ASRGL1: variants seen among roughly 807,000 people sequenced by gnomAD.
ASRGL1 encodes the protein isoaspartyl peptidase/L-asparaginase.
ASRGL1 carries 16 observed loss-of-function variants against 22.4 expected under a neutral mutation model. That is an observed-to-expected ratio of 0.71 (90% CI 0.48 to 1.08). ASRGL1 has a LOEUF of 1.08. Ranked by LOEUF, ASRGL1 falls within the 50% of genes least tolerant of loss-of-function variation. The pLI, the probability that ASRGL1 is intolerant of heterozygous loss-of-function variation, is 0.00. For missense variants in ASRGL1, 412 were observed against 410.1 expected (o/e 1.00, Z -0.04); for synonymous variants, 165 against 159.3 (o/e 1.04, Z -0.27).
chr11:62,377,437 A>C (rs1217956674), intron 4 of ASRGL1, among the ~76,000 whole-genome samples: 1 of 152,156 alleles, frequency 6.6e-6, no homozygotes, highest in Non-Finnish European at 1.5e-5. Flanking sequence ...CACTGTAAAG[A>C]CTGCAACCAA....
intron 2 of ASRGL1, among the ~76,000 whole-genome samples, chr11:62,339,927 C>T (rs935219913): frequency 5.9e-5 from 9 of 152,098 alleles, no homozygotes; most frequent in Non-Finnish European, 1.3e-4. Flanking sequence ...CTTGTTCTGT[C>T]CCCTTTACGC....
intron 4 of ASRGL1, among the ~76,000 whole-genome samples, chr11:62,358,667 C>G (rs780773719): frequency 5.3e-5 from 8 of 152,168 alleles, no homozygotes; most frequent in Non-Finnish European, 7.3e-5. Flanking sequence ...CACATAGGAC[C>G]CCTTTGTCAC....
chr11:62,362,813 T>TACACACACACACACACACACACACACAC (rs57501048), intron 4 of ASRGL1, among the ~76,000 whole-genome samples: 2 of 83,876 alleles, frequency 2.4e-5, no homozygotes, highest in Non-Finnish European at 4.4e-5. Flanking sequence ...TTATCTGACA[T>TACACACACACACACACACACACACACAC]ACACACACAC....
chr11:62,366,351 GA>G (rs1442763665), intron 4 of ASRGL1, among the ~76,000 whole-genome samples: 1 of 146,186 alleles, frequency 6.8e-6, no homozygotes, highest in Non-Finnish European at 1.5e-5. Context: ...ACAGTAACAG[GA>G]TAGAACATAC....
At chr11:62,372,451 C>T (rs1946799296) in intron 4 of ASRGL1, 1 of 1,537,764 alleles carries the variant, frequency 6.5e-7, no homozygotes, top group Non-Finnish European at 9.0e-7. Context: ...CTTTGGGTGC[C>T]CTGAATATGG....
chr11:62,349,069 A>G lies in ASRGL1; in HGVS notation c.191-7256A>G, dbSNP rs531632209. Reference sequence around the variant, plus strand: ...CTGCAACCTCCACCTCCTAGGTTCAAGTGATTCTCCTGCCTCAGCCTCCTG... The same window carrying G: ...CTGCAACCTCCACCTCCTAGGTTCAGGTGATTCTCCTGCCTCAGCCTCCTG... On this transcript the variant is annotated intron_variant, in intron 2 of 6. Coordinates refer to ENST00000415229, the MANE Select transcript of ASRGL1 (RefSeq NM_001083926.2). Among the ~76,000 whole-genome samples the G allele has an allele frequency of 2.0e-4, 30 of 152,138 alleles. 1 individual carries two copies. The highest frequency in any genetic ancestry group is 1.8e-3 in the Admixed American group (28 of 15,298).
At chr11:62,395,963 A>G (rs1947428897), downstream of ASRGL1, among the ~76,000 whole-genome samples, 1 of 151,174 alleles carries the variant, frequency 6.6e-6, no homozygotes, top group Non-Finnish European at 1.5e-5. Context: ...TAGTAGAGAC[A>G]GGGTTTCATC....
chr11:62,339,780 G>A (rs1945820175), intron 2 of ASRGL1, among the ~76,000 whole-genome samples: 1 of 152,138 alleles, frequency 6.6e-6, no homozygotes, highest in Non-Finnish European at 1.5e-5. Context: ...TAACTTGGTG[G>A]AAGACATTCA....
chr11:62,351,518 C>T lies in ASRGL1; in HGVS notation c.191-4807C>T, dbSNP rs561189253. Among the ~76,000 whole-genome samples the T allele has an allele frequency of 2.2e-3, 337 of 152,096 alleles. 1 individual carries two copies. Among genetic ancestry groups the T allele is most frequent in the Non-Finnish European group, 2.4e-3 (162 of 67,978 alleles). Reference sequence around the variant, plus strand: ...TACAAAAATTAGCTGGGCGTGGTGGCGGGCGCCTGTAATCCCAGCTGCTCA... The same window carrying T: ...TACAAAAATTAGCTGGGCGTGGTGGTGGGCGCCTGTAATCCCAGCTGCTCA... On this transcript the variant is annotated intron_variant, in intron 2 of 6. Coordinates refer to ENST00000415229, the MANE Select transcript of ASRGL1 (RefSeq NM_001083926.2).
chr11:62,398,682 G>A, the ASRGL1 span, among the ~76,000 whole-genome samples: 34 of 152,238 alleles, frequency 2.2e-4, no homozygotes, highest in East Asian at 5.4e-3. Flanking sequence ...CGCTAGCGGC[G>A]GCGGCTCATT....
intron 2 of ASRGL1, among the ~76,000 whole-genome samples, chr11:62,341,830 C>G (rs1565151074): frequency 6.6e-6 from 1 of 152,154 alleles, no homozygotes; most frequent in Non-Finnish European, 1.5e-5. Context: ...CCTTTGAGTC[C>G]ACGCCTCCAT....
chr11:62,377,279 T>C (rs1487745586), intron 4 of ASRGL1, among the ~76,000 whole-genome samples: 1 of 152,206 alleles, frequency 6.6e-6, no homozygotes, highest in East Asian at 1.9e-4. Flanking sequence ...AAATTTCTGT[T>C]TCTTACAGTT....
At chr11:62,359,546 CTT>C (rs1261909435) in intron 4 of ASRGL1, among the ~76,000 whole-genome samples, 1 of 152,068 alleles carries the variant, frequency 6.6e-6, no homozygotes, top group Non-Finnish European at 1.5e-5. Flanking sequence ...ATGTCTTGCT[CTT>C]TTTTTGTACT....
rs143486993 is a variant in ASRGL1 at position 62,379,648 on chromosome 11, T to A, written c.492-9485T>A. On this transcript the variant is annotated intron_variant, in intron 4 of 6. Coordinates refer to ENST00000415229, the MANE Select transcript of ASRGL1 (RefSeq NM_001083926.2). ...GGGGCCATATACCCCTGTGGGAATT[T>A]TTTGTGGGGGCTCCCCTGAAAGCAG... Among the ~76,000 whole-genome samples the A allele has an allele frequency of 9.9e-4, 151 of 152,298 alleles. 2 individuals carry two copies. The highest frequency in any genetic ancestry group is 3.3e-3 in the African/African-American group (138 of 41,546).
At chr11:62,386,119 G>A (rs1373766768) in intron 4 of ASRGL1, among the ~76,000 whole-genome samples, 1 of 152,118 alleles carries the variant, frequency 6.6e-6, no homozygotes, top group Non-Finnish European at 1.5e-5. Context: ...CCAATATCAC[G>A]CCACTGCCCT....
intron 4 of ASRGL1, among the ~76,000 whole-genome samples, chr11:62,359,451 A>C (rs964799149): frequency 3.3e-5 from 5 of 152,206 alleles, no homozygotes; most frequent in Admixed American, 3.3e-4. Flanking sequence ...TGTCTCAAAA[A>C]AAAAAAGTGA....
chr11:62,379,876 T>G (rs1196524757), intron 4 of ASRGL1, among the ~76,000 whole-genome samples: 2 of 152,208 alleles, frequency 1.3e-5, no homozygotes, highest in Non-Finnish European at 2.9e-5. Flanking sequence ...CTTTGCTGTT[T>G]CCTGACAATA....
chr11:62,351,541 T>A (rs944792860), intron 2 of ASRGL1, among the ~76,000 whole-genome samples: 1 of 151,704 alleles, frequency 6.6e-6, no homozygotes, highest in Non-Finnish European at 1.5e-5. Context: ...TCCCAGCTGC[T>A]CAGGAAGCTG....
chr11:62,343,123 A>C (rs183904302), intron 2 of ASRGL1, among the ~76,000 whole-genome samples: 1 of 152,200 alleles, frequency 6.6e-6, no homozygotes, highest in East Asian at 1.9e-4. Context: ...CACTCCTATA[A>C]TCCCAGCACT....
Sources: gnomAD v4.1 joint callset for allele counts (sites outside exome capture counted in the v4.1 genomes callset) on GRCh38, gnomAD v4.1.1 for gene constraint, MANE v1.5 for transcripts, NCBI Gene and HGNC (gene_info 2026-07-23, HGNC 2026-07-21) for gene names.